RBFOX1: variants seen among roughly 807,000 people sequenced by gnomAD.
The protein encoded by RBFOX1 is RNA binding fox-1 homolog 1, also known as RNA binding protein fox-1 homolog 1.
A neutral mutation model predicts 57.7 loss-of-function variants in RBFOX1; 8 were observed. The observed-to-expected ratio is 0.14, with a 90% CI of 0.08 to 0.25. The LOEUF (loss-of-function observed/expected upper bound fraction) is 0.25. Among genes scored for constraint, RBFOX1 ranks in the 10% least tolerant of loss-of-function variants. The pLI is 1.00. For missense variants in RBFOX1, 611 were observed against 548.5 expected (o/e 1.11, Z -1.14); for synonymous variants, 326 against 222.4 (o/e 1.47, Z -4.15).
chr16:7,136,826 C>G (rs977175888), intron 4 of RBFOX1, among the ~76,000 whole-genome samples: 1 of 152,174 alleles, frequency 6.6e-6, no homozygotes, highest in Non-Finnish European at 1.5e-5. Flanking sequence ...ACAAAAATCT[C>G]TGTACCAGAG....
intron 1 of RBFOX1, among the ~76,000 whole-genome samples, chr16:6,096,097 A>G (rs2152543041): frequency 6.6e-6 from 1 of 152,348 alleles, no homozygotes; most frequent in Non-Finnish European, 1.5e-5. Flanking sequence ...ATGGAAACAG[A>G]ACATGGCTTG....
intron 4 of RBFOX1, among the ~76,000 whole-genome samples, chr16:7,180,596 T>G (rs1461374753): frequency 6.6e-6 from 1 of 152,130 alleles, no homozygotes; most frequent in African/African-American, 2.4e-5. Flanking sequence ...TTCTTCCCTT[T>G]TCTGTAAAAG....
At chr16:6,654,859 A>G (rs1370077377) in intron 3 of RBFOX1, among the ~76,000 whole-genome samples, 1 of 148,474 alleles carries the variant, frequency 6.7e-6, no homozygotes, top group Non-Finnish European at 1.5e-5. Context: ...AGGAGTGCAT[A>G]TTGTAATTTT....
chr16:5,337,136 G>A (rs1192650739), intron 1 of RBFOX1, among the ~76,000 whole-genome samples: 1 of 152,162 alleles, frequency 6.6e-6, no homozygotes, highest in Non-Finnish European at 1.5e-5. Flanking sequence ...AAGCAGTCTG[G>A]GATTTAGACA....
intron 1 of RBFOX1, among the ~76,000 whole-genome samples, chr16:5,421,699 C>T (rs752112470): frequency 7.9e-5 from 12 of 152,130 alleles, no homozygotes; most frequent in Non-Finnish European, 1.6e-4. Flanking sequence ...ATTTGAGTGG[C>T]AAAACAGATC....
chr16:7,067,749 T>A (rs1309379262), intron 4 of RBFOX1, among the ~76,000 whole-genome samples: 1 of 140,260 alleles, frequency 7.1e-6, no homozygotes, highest in Admixed American at 7.7e-5. Flanking sequence ...TGTGTTCTCA[T>A]TGTTCAATTC....
chr16:7,301,193 G>T (rs1026469115), intron 4 of RBFOX1, among the ~76,000 whole-genome samples: 3 of 152,188 alleles, frequency 2.0e-5, no homozygotes, highest in Admixed American at 2.0e-4. Context: ...TGGGGTCATT[G>T]GATGCCCTAT....
intron 2 of RBFOX1, among the ~76,000 whole-genome samples, chr16:6,328,563 A>C (rs2082643124): frequency 6.6e-6 from 1 of 152,204 alleles, no homozygotes; most frequent in African/African-American, 2.4e-5. Context: ...CAGCAGTCCC[A>C]GTAGAAAATG....
chr16:5,297,944 C>T (rs960924058), intron 1 of RBFOX1, among the ~76,000 whole-genome samples: 2 of 152,102 alleles, frequency 1.3e-5, no homozygotes, highest in African/African-American at 2.4e-5. Flanking sequence ...CCCTTTTAAA[C>T]ATAGAAAGCA....
intron 3 of RBFOX1, among the ~76,000 whole-genome samples, chr16:5,664,819 C>G (rs533775295): frequency 2.0e-5 from 3 of 152,294 alleles, no homozygotes; most frequent in East Asian, 1.9e-4. Flanking sequence ...AAATCCTCCT[C>G]TGGCTTCTCA....
At chr16:7,117,823 G>T (rs998175196) in intron 4 of RBFOX1, among the ~76,000 whole-genome samples, 25 of 152,140 alleles carry the variant, frequency 1.6e-4, no homozygotes, top group African/African-American at 5.6e-4. Flanking sequence ...TCTCGAACAG[G>T]ATCTGCTTTC....
At chr16:5,276,313 A>T (rs1368559116) in intron 1 of RBFOX1, among the ~76,000 whole-genome samples, 1 of 152,208 alleles carries the variant, frequency 6.6e-6, no homozygotes, top group African/African-American at 2.4e-5. Flanking sequence ...CAGAATCTAC[A>T]GGGAACTCTA....
chr16:7,171,244 G>A (rs892412021), intron 4 of RBFOX1, among the ~76,000 whole-genome samples: 4 of 152,104 alleles, frequency 2.6e-5, no homozygotes, highest in Non-Finnish European at 5.9e-5. Context: ...ATGCTCTTAG[G>A]AAAGCAGCTT....
At chr16:6,749,920 C>G (rs891058748) in intron 3 of RBFOX1, among the ~76,000 whole-genome samples, 3 of 152,094 alleles carry the variant, frequency 2.0e-5, no homozygotes, top group Non-Finnish European at 4.4e-5. Flanking sequence ...CAATAAGGGC[C>G]AAGCTGACTG....
chr16:7,144,841 T>G (rs1488200716), intron 4 of RBFOX1, among the ~76,000 whole-genome samples: 1 of 152,152 alleles, frequency 6.6e-6, no homozygotes, highest in Non-Finnish European at 1.5e-5. Context: ...AGAAGGTGAT[T>G]GCTGAAGGTT....
intron 3 of RBFOX1, among the ~76,000 whole-genome samples, chr16:6,729,356 C>A (rs569811711): frequency 6.6e-6 from 1 of 152,284 alleles, no homozygotes; most frequent in Admixed American, 6.5e-5. Context: ...AAATCTAATT[C>A]AGTCATTCAC....
At chr16:5,618,283 T>C (rs989241067) in intron 3 of RBFOX1, among the ~76,000 whole-genome samples, 5 of 152,180 alleles carry the variant, frequency 3.3e-5, no homozygotes, top group Admixed American at 1.3e-4. Context: ...TGTGGGTATA[T>C]GCATGAGTCC....
rs143178184 is a variant in RBFOX1 at position 6,897,277 on chromosome 16, C to T, written c.-15-154780C>T. On this transcript the variant is annotated intron_variant, in intron 3 of 15. Transcript: ENST00000550418. ...TCTTTACTAAAAATACAAAAATTAG[C>T]TTGTAAGCCCAGCTACTCAGGAGGC... Among the ~76,000 whole-genome samples the T allele has an allele frequency of 4.6e-5, 7 of 152,236 alleles. No individual in the cohort carries two copies. In the East Asian group the frequency reaches 1.4e-3, roughly 29 times the overall value.
intron 4 of RBFOX1, among the ~76,000 whole-genome samples, chr16:7,280,796 C>T (rs566414411): frequency 6.6e-6 from 1 of 152,084 alleles, no homozygotes; most frequent in East Asian, 1.9e-4. Flanking sequence ...ACACCCTTTC[C>T]TCTGGGAGTC....
Sources: gnomAD v4.1 joint callset for allele counts (sites outside exome capture counted in the v4.1 genomes callset) on GRCh38, gnomAD v4.1.1 for gene constraint, MANE v1.5 for transcripts, NCBI Gene and HGNC (gene_info 2026-07-23, HGNC 2026-07-21) for gene names.